PANK1: variants seen among roughly 807,000 people sequenced by gnomAD.
The protein encoded by PANK1 is pantothenate kinase 1, also known as pantothenic acid kinase 1.
Under a neutral mutation model 40.1 loss-of-function variants are expected in PANK1, and 18 were observed. That is an observed-to-expected ratio of 0.45 (90% confidence interval 0.31 to 0.67). The LOEUF (loss-of-function observed/expected upper bound fraction) is 0.67. PANK1 is among the 30% of genes least tolerant of loss of function. The pLI is 0.06. For missense variants in PANK1, 457 were observed against 599.6 expected (o/e 0.76, Z 2.48); for synonymous variants, 242 against 237.7 (o/e 1.02, Z -0.17).
At chr10:89,628,776 C>T (rs1357452797) in intron 1 of PANK1, among the ~76,000 whole-genome samples, 1 of 152,176 alleles carries the variant, frequency 6.6e-6, no homozygotes, top group African/African-American at 2.4e-5. Flanking sequence ...ACCCACTTCT[C>T]CATACTCTTA....
At chr10:89,597,147 C>T (rs1589769200) in intron 3 of PANK1, among the ~76,000 whole-genome samples, 1 of 152,306 alleles carries the variant, frequency 6.6e-6, no homozygotes, top group South Asian at 2.1e-4. Flanking sequence ...TATCAGTTCA[C>T]AATAGGAGTA....
intron 1 of PANK1, among the ~76,000 whole-genome samples, chr10:89,619,536 T>C (rs1035519821): frequency 6.6e-6 from 1 of 152,194 alleles, no homozygotes; most frequent in Non-Finnish European, 1.5e-5. Flanking sequence ...CCTTAAGAAG[T>C]GTTCCTGGTG....
chr10:89,643,779 A>T, intron 1 of PANK1: 1 of 1,611,712 alleles, frequency 6.2e-7, no homozygotes. Flanking sequence ...AAGAAAAACC[A>T]GCTGTAAACT....
At chr10:89,592,776 G>A in intron 5 of PANK1, 1 of 535,520 alleles carries the variant, frequency 1.9e-6, no homozygotes, top group South Asian at 1.4e-5. Context: ...GTACAATGCT[G>A]CTTGAACTCC....
At chr10:89,616,968 G>A (rs1385177262) in intron 1 of PANK1, among the ~76,000 whole-genome samples, 1 of 152,150 alleles carries the variant, frequency 6.6e-6, no homozygotes, top group African/African-American at 2.4e-5. Context: ...AATGTTGAAG[G>A]AAAACTTTAG....
At chr10:89,594,091 C>G in intron 3 of PANK1, 102 bp from the exon 4 acceptor site, 2 of 768,082 alleles carry the variant, frequency 2.6e-6, no homozygotes, top group South Asian at 3.5e-5. Context: ...TAAAAGCAGA[C>G]GAACAAAGGG....
rs1197819630 is a variant in PANK1, at chr10:89,583,438, C to T, written c.*968G>A. The T allele has an allele frequency of 6.6e-6, 1 of 152,128 alleles. No individual in the cohort carries two copies. The highest frequency in any genetic ancestry group is 1.5e-5 in the Non-Finnish European group (1 of 68,008). The allele number at this position is 152,128 out of a possible 1,614,324, so 9.4% of individuals were successfully genotyped here. ...GATATTACTATCTGACACCTCAACC[C>T]ATGACTTACCCTAAATCTCCTGATA... On this transcript the variant is annotated 3_prime_UTR_variant, in exon 7 of 7. Transcript: ENST00000307534.
intron 6 of PANK1, among the ~76,000 whole-genome samples, chr10:89,586,757 A>G (rs1589754049): frequency 6.6e-6 from 1 of 152,250 alleles, no homozygotes; most frequent in South Asian, 2.1e-4. Flanking sequence ...GCAGCACTGC[A>G]GCATTGATTT....
At chr10:89,597,240 C>T (rs1258704839) in intron 3 of PANK1, among the ~76,000 whole-genome samples, 1 of 152,218 alleles carries the variant, frequency 6.6e-6, no homozygotes, top group South Asian at 2.1e-4. Context: ...TAGATACTAA[C>T]TTCACTGCTA....
intron 1 of PANK1, among the ~76,000 whole-genome samples, chr10:89,614,222 G>A (rs934477439): frequency 2.0e-5 from 3 of 152,146 alleles, no homozygotes; most frequent in Non-Finnish European, 4.4e-5. Flanking sequence ...GATGGGAGAA[G>A]GGTATTTTGG....
chr10:89,639,195 A>C (rs758621736), intron 1 of PANK1: 8 of 453,996 alleles, frequency 1.8e-5, no homozygotes, highest in Non-Finnish European at 3.1e-5. Flanking sequence ...GCATCTGGTG[A>C]AGGCCTTCTT....
chr10:89,600,349 C>G (rs553223831), intron 2 of PANK1, among the ~76,000 whole-genome samples: 50 of 152,280 alleles, frequency 3.3e-4, no homozygotes, highest in Non-Finnish European at 4.9e-4. Flanking sequence ...CCCACAAAGC[C>G]CTACTCCCCT....
chr10:89,595,309 G>A (rs1034645779), intron 3 of PANK1, among the ~76,000 whole-genome samples: 3 of 151,830 alleles, frequency 2.0e-5, no homozygotes, highest in African/African-American at 7.3e-5. Context: ...AAATTAGCCA[G>A]GTGTGGTGGC....
intron 1 of PANK1, among the ~76,000 whole-genome samples, chr10:89,626,953 G>A (rs117550353): frequency 2.6e-5 from 4 of 152,136 alleles, no homozygotes; most frequent in South Asian, 2.1e-4. Flanking sequence ...AATTAAAGAG[G>A]CTTCAGGGAG....
intron 1 of PANK1, among the ~76,000 whole-genome samples, chr10:89,620,403 T>C (rs1298380221): frequency 6.6e-6 from 1 of 152,192 alleles, no homozygotes; most frequent in Admixed American, 6.5e-5. Flanking sequence ...GTCTCTAAAA[T>C]GGCCGCTCTG....
intron 1 of PANK1, among the ~76,000 whole-genome samples, chr10:89,629,610 T>C (rs951049016): frequency 4.6e-5 from 7 of 152,238 alleles, no homozygotes; most frequent in African/African-American, 1.7e-4. Flanking sequence ...TGTCTCATTT[T>C]ACAAATCACA....
At chr10:89,643,274 T>C (rs1234211294) in intron 1 of PANK1, among the ~76,000 whole-genome samples, 2 of 152,190 alleles carry the variant, frequency 1.3e-5, no homozygotes, top group African/African-American at 2.4e-5. Context: ...CAATATTAAG[T>C]CCTGACTTTT....
chr10:89,580,257 T>C (rs539210212), downstream of PANK1: 4 of 152,370 alleles, frequency 2.6e-5, no homozygotes, highest in Admixed American at 2.0e-4. Context: ...AATGGAATAA[T>C]GTTAGGTATT....
At chr10:89,639,951 C>T (rs780420541) in intron 1 of PANK1, among the ~76,000 whole-genome samples, 2 of 152,162 alleles carry the variant, frequency 1.3e-5, no homozygotes, top group Non-Finnish European at 2.9e-5. Context: ...CTATCTTTTC[C>T]GAAAGTTTTA....
Sources: gnomAD v4.1 joint callset for allele counts (sites outside exome capture counted in the v4.1 genomes callset) on GRCh38, gnomAD v4.1.1 for gene constraint, MANE v1.5 for transcripts, NCBI Gene and HGNC (gene_info 2026-07-23, HGNC 2026-07-21) for gene names.